CNTN5: variants seen among roughly 807,000 people sequenced by gnomAD.
CNTN5 encodes the protein contactin-5.
CNTN5 carries 77 observed loss-of-function variants against 129.1 expected under a neutral mutation model. The ratio of observed to expected loss-of-function variants is 0.60; its 90% CI spans 0.50 to 0.72. CNTN5 has a LOEUF of 0.72. CNTN5 is among the 30% of genes least tolerant of loss of function. CNTN5 has a pLI of 0.00. For synonymous variants in CNTN5, 509 were observed against 465.6 expected, an observed-to-expected ratio of 1.09 and a Z score of -1.20; for missense variants, 1,478 against 1,328.8, an observed-to-expected ratio of 1.11 and a Z score of -1.75.
chr11:100,265,796 T>C (rs1265025217), intron 17 of CNTN5, among the ~76,000 whole-genome samples: 1 of 152,134 alleles, frequency 6.6e-6, no homozygotes, highest in African/African-American at 2.4e-5. Context: ...TTGAAAAAAG[T>C]ATGCAAACAG....
At chr11:99,400,301 C>G (rs1212684053) in intron 2 of CNTN5, among the ~76,000 whole-genome samples, 9 of 152,064 alleles carry the variant, frequency 5.9e-5, no homozygotes, top group Non-Finnish European at 1.2e-4. Flanking sequence ...TGCTATTTCG[C>G]TTAACATAAT....
At chr11:100,293,247 C>T (rs1951032171) in intron 18 of CNTN5, among the ~76,000 whole-genome samples, 1 of 151,872 alleles carries the variant, frequency 6.6e-6, no homozygotes, top group Non-Finnish European at 1.5e-5. Flanking sequence ...CACTCACCTC[C>T]TATCTTCTTG....
At chr11:99,536,808 C>T (rs2135484040) in intron 2 of CNTN5, among the ~76,000 whole-genome samples, 1 of 131,108 alleles carries the variant, frequency 7.6e-6, no homozygotes, top group Non-Finnish European at 1.6e-5. Flanking sequence ...AAAAGAGTCA[C>T]AAAAAGAAGC....
chr11:99,710,057 G>A (rs1167062667), intron 3 of CNTN5, among the ~76,000 whole-genome samples: 1 of 151,738 alleles, frequency 6.6e-6, no homozygotes, highest in Non-Finnish European at 1.5e-5. Context: ...TGTGCTATTA[G>A]TATTTTTTTG....
rs576340465 is a variant in CNTN5 at position 99,775,242 on chromosome 11, G to A, written c.56-44302G>A. 1.4e-3 allele frequency among the ~76,000 whole-genome samples: 208 copies of A among 152,198 alleles called. 1 individual carries two copies. The highest frequency in any genetic ancestry group is 4.9e-3 in the African/African-American group (202 of 41,552). ...TTCCCATTTCCAATGACATTGGGAA[G>A]TAAAATATCTTGCTTTTTTAATACG... On this transcript the variant is annotated intron_variant, in intron 3 of 24. Transcript: ENST00000524871.
intron 2 of CNTN5, among the ~76,000 whole-genome samples, chr11:99,333,211 C>G (rs1269822454): frequency 6.6e-6 from 1 of 151,972 alleles, no homozygotes; most frequent in Non-Finnish European, 1.5e-5. Context: ...ACTATTCAAA[C>G]AATTTTTTCT....
At chr11:99,739,536 C>T (rs1943823758) in intron 3 of CNTN5, among the ~76,000 whole-genome samples, 2 of 152,018 alleles carry the variant, frequency 1.3e-5, no homozygotes, top group African/African-American at 4.8e-5. Context: ...AAATAAAACA[C>T]ATCTCTCTGA....
At chr11:99,969,556 C>G (rs1045322529) in intron 8 of CNTN5, among the ~76,000 whole-genome samples, 1 of 152,112 alleles carries the variant, frequency 6.6e-6, no homozygotes, top group Non-Finnish European at 1.5e-5. Context: ...TGGGGCCTCA[C>G]CATACAACTC....
intron 13 of CNTN5, among the ~76,000 whole-genome samples, chr11:100,091,524 G>T (rs374186392): frequency 6.7e-6 from 1 of 149,498 alleles, no homozygotes; most frequent in Non-Finnish European, 1.5e-5. Flanking sequence ...CGCCTCCTGG[G>T]TTCAAATGAT....
chr11:99,737,603 A>G (rs368542828), intron 3 of CNTN5, among the ~76,000 whole-genome samples: 1 of 152,182 alleles, frequency 6.6e-6, no homozygotes, highest in Non-Finnish European at 1.5e-5. Flanking sequence ...ATCCAAGCAT[A>G]TGGGTTCTAA....
intron 1 of CNTN5, among the ~76,000 whole-genome samples, chr11:99,159,994 C>G (rs1191339618): frequency 6.6e-6 from 1 of 152,232 alleles, no homozygotes; most frequent in African/African-American, 2.4e-5. Context: ...GTCTTAGACA[C>G]AGGGAGCACA....
chr11:99,259,119 A>AAATAGTATTGTAT (rs1862513840), intron 1 of CNTN5, among the ~76,000 whole-genome samples: 1 of 151,928 alleles, frequency 6.6e-6, no homozygotes, highest in South Asian at 2.1e-4. Flanking sequence ...TAATACATGC[A>AAATAGTATTGTAT]AATAGTATTG....
chr11:100,037,498 G>A (rs1164821223), intron 9 of CNTN5, among the ~76,000 whole-genome samples: 1 of 151,996 alleles, frequency 6.6e-6, no homozygotes, highest in Non-Finnish European at 1.5e-5. Flanking sequence ...GAGTTAGGGA[G>A]GATTCCCTCT....
At chr11:100,322,916 AATCT>A (rs1261683581) in intron 21 of CNTN5, among the ~76,000 whole-genome samples, 1 of 152,198 alleles carries the variant, frequency 6.6e-6, no homozygotes, top group Non-Finnish European at 1.5e-5. Context: ...CACTTACCTT[AATCT>A]ATTATGAATC....
chr11:100,096,725 C>G (rs1364712429), intron 13 of CNTN5, among the ~76,000 whole-genome samples: 1 of 152,088 alleles, frequency 6.6e-6, no homozygotes, highest in Non-Finnish European at 1.5e-5. Context: ...GATCAATCTA[C>G]CTGGCATGTC....
At chr11:99,365,756 C>A (rs1254078651) in intron 2 of CNTN5, among the ~76,000 whole-genome samples, 5 of 152,088 alleles carry the variant, frequency 3.3e-5, no homozygotes, top group Non-Finnish European at 7.4e-5. Context: ...ACGTAACAGT[C>A]TCTTAGTAAA....
At chr11:99,053,089 A>G (rs1434906491) in intron 1 of CNTN5, among the ~76,000 whole-genome samples, 1 of 151,930 alleles carries the variant, frequency 6.6e-6, no homozygotes, top group African/African-American at 2.4e-5. Flanking sequence ...TAGTCAATGT[A>G]CAATAATCTT....
chr11:99,726,250 G>A (rs954527858), intron 3 of CNTN5, among the ~76,000 whole-genome samples: 1 of 152,200 alleles, frequency 6.6e-6, no homozygotes, highest in African/African-American at 2.4e-5. Context: ...GAAGTTACTT[G>A]TCTGGGAGAT....
intron 2 of CNTN5, among the ~76,000 whole-genome samples, chr11:99,369,384 C>A (rs1032922503): frequency 6.6e-6 from 1 of 151,094 alleles, no homozygotes; most frequent in African/African-American, 2.4e-5. Flanking sequence ...GTCTGTCAGA[C>A]ACCTTTGTAG....
Sources: gnomAD v4.1 joint callset for allele counts (sites outside exome capture counted in the v4.1 genomes callset) on GRCh38, gnomAD v4.1.1 for gene constraint, MANE v1.5 for transcripts, NCBI Gene and HGNC (gene_info 2026-07-23, HGNC 2026-07-21) for gene names.